Variants in KCNIP4 observed in about 807,000 individuals in gnomAD.
The protein encoded by KCNIP4 is potassium voltage-gated channel interacting protein 4.
A neutral mutation model predicts 34.0 loss-of-function variants in KCNIP4; 12 were observed. The ratio of observed to expected loss-of-function variants is 0.35; its 90% CI spans 0.23 to 0.57. The LOEUF is 0.57. Ranked by LOEUF, KCNIP4 falls within the 20% of genes least tolerant of loss-of-function variation. KCNIP4 has a pLI of 0.83. For synonymous variants in KCNIP4, 124 were observed against 102.2 expected (o/e 1.21, Z -1.29); for missense variants, 238 against 311.7 (o/e 0.76, Z 1.78).
chr4:21,809,162 G>T (rs1721476313), intron 1 of KCNIP4, among the ~76,000 whole-genome samples: 1 of 152,096 alleles, frequency 6.6e-6, no homozygotes, highest in Non-Finnish European at 1.5e-5. Flanking sequence ...ACTATGTAAA[G>T]AAGATCAGAT....
chr4:21,567,299 C>T (rs1480799806), intron 1 of KCNIP4, among the ~76,000 whole-genome samples: 2 of 151,742 alleles, frequency 1.3e-5, no homozygotes, highest in Non-Finnish European at 2.9e-5. Context: ...TTTTCCTTCT[C>T]TCATGAAGCT....
Position 20,730,008 on chromosome 4 carries a change from AAGTGGTAGCTCCAACTTTAAG to A in KCNIP4, c.*53_*73del. ...TGTCAAGCTGAGCAATCTATGCTAA[AAGTGGTAGCTCCAACTTTAAG>A]GGTGGTAGAATAGTTCACATTTGTC... On this transcript the variant is annotated 3_prime_UTR_variant, in exon 9 of 9. Transcript: ENST00000382152. The A allele has an allele frequency of 1.3e-6, 2 of 1,525,678 alleles. No homozygotes were observed. Among genetic ancestry groups the A allele is most frequent in the Non-Finnish European group, 1.8e-6 (2 of 1,134,768 alleles). 94.5% of individuals were successfully genotyped at this position (1,525,678 alleles called of 1,614,324 possible).
At chr4:21,488,878 T>G (rs948977676) in intron 1 of KCNIP4, among the ~76,000 whole-genome samples, 4 of 152,088 alleles carry the variant, frequency 2.6e-5, no homozygotes, top group African/African-American at 7.2e-5. Context: ...AAGGAAAAAT[T>G]TGATGGTATT....
At chr4:20,762,747 A>AT (rs977808652) in intron 3 of KCNIP4, among the ~76,000 whole-genome samples, 2 of 152,138 alleles carry the variant, frequency 1.3e-5, no homozygotes, top group East Asian at 1.9e-4. Context: ...TGGATTTTAG[A>AT]TTTTTTGGGA....
intron 1 of KCNIP4, among the ~76,000 whole-genome samples, chr4:21,179,221 A>G (rs920746261): frequency 6.6e-6 from 1 of 152,186 alleles, no homozygotes; most frequent in African/African-American, 2.4e-5. Flanking sequence ...TGCCCAACTC[A>G]TTTGACCTTC....
At chr4:21,214,063 A>G (rs917968712) in intron 1 of KCNIP4, among the ~76,000 whole-genome samples, 4 of 152,222 alleles carry the variant, frequency 2.6e-5, no homozygotes, top group South Asian at 4.1e-4. Context: ...TTCCTTATGT[A>G]AAATGGGACT....
rs559454579 is a variant in KCNIP4 at position 20,812,097 on chromosome 4, T to A, written c.288+38446A>T. 2.6e-5 allele frequency among the ~76,000 whole-genome samples: 4 copies of A among 152,308 alleles called. No homozygotes were observed. In the South Asian group the frequency reaches 6.2e-4, roughly 24 times the overall value. ...AATGTAAGTACAGATTATTGATTACTTTTGGGGACATGTTTGCGTAAAGAA... is the reference window on the plus strand; with the variant it reads ...AATGTAAGTACAGATTATTGATTACATTTGGGGACATGTTTGCGTAAAGAA... On this transcript the variant is annotated intron_variant, in intron 3 of 8. Transcript: ENST00000382152.
intron 3 of KCNIP4, among the ~76,000 whole-genome samples, chr4:20,772,649 C>CT (rs927106009): frequency 2.5e-3 from 374 of 149,036 alleles, no homozygotes; most frequent in Non-Finnish European, 4.3e-3. Flanking sequence ...TTTCTTTCTT[C>CT]TTTTTTTTTT....
intron 1 of KCNIP4, among the ~76,000 whole-genome samples, chr4:21,918,028 A>T (rs1488144122): frequency 6.6e-6 from 1 of 152,202 alleles, no homozygotes; most frequent in Non-Finnish European, 1.5e-5. Flanking sequence ...AAGAACAGGG[A>T]AGAGCTAGGA....
intron 1 of KCNIP4, among the ~76,000 whole-genome samples, chr4:21,217,617 T>C (rs1187682250): frequency 2.6e-5 from 4 of 152,126 alleles, no homozygotes; most frequent in Non-Finnish European, 5.9e-5. Flanking sequence ...GGAAGGAAGA[T>C]TAAAAGATGA....
chr4:21,797,503 G>A (rs548923713), intron 1 of KCNIP4, among the ~76,000 whole-genome samples: 9 of 151,792 alleles, frequency 5.9e-5, no homozygotes. Flanking sequence ...GTCCATTTAT[G>A]TTTCTTACAC....
rs192220126 is a variant in KCNIP4, at chr4:21,004,324, G to T, written c.62-121615C>A. On this transcript the variant is annotated intron_variant, in intron 1 of 8. Coordinates refer to ENST00000382152, the MANE Select transcript of KCNIP4 (RefSeq NM_025221.6). Reference sequence around the variant, plus strand: ...GCTCGATTCAATGAGAAAGGAGAGAGTATATGGGCGACTCCCAAATTTCTA... The same window carrying T: ...GCTCGATTCAATGAGAAAGGAGAGATTATATGGGCGACTCCCAAATTTCTA... 3.3e-5 allele frequency among the ~76,000 whole-genome samples: 5 copies of T among 152,166 alleles called. No individual in the cohort carries two copies. The East Asian group carries it at 7.7e-4, about 23-fold the overall frequency.
At chr4:20,894,928 C>T (rs1491362) in intron 1 of KCNIP4, among the ~76,000 whole-genome samples, 151,312 of 152,330 alleles carry the variant, frequency 0.99, 75,159 homozygotes, top group Middle Eastern at 1. Flanking sequence ...TGCTAAGTAC[C>T]TTACAAGCAT....
intron 1 of KCNIP4, among the ~76,000 whole-genome samples, chr4:20,962,965 T>C (rs1270253215): frequency 6.6e-6 from 1 of 152,160 alleles, no homozygotes; most frequent in African/African-American, 2.4e-5. Context: ...ACCGTCACTT[T>C]GTCTGTAAAA....
intron 1 of KCNIP4, among the ~76,000 whole-genome samples, chr4:21,690,255 C>A (rs1379019426): frequency 6.6e-6 from 1 of 151,632 alleles, no homozygotes; most frequent in East Asian, 1.9e-4. Context: ...CCTTCCCAAG[C>A]CCACAAATGT....
At chr4:21,257,128 T>G (rs10026557) in intron 1 of KCNIP4, among the ~76,000 whole-genome samples, 120,248 of 152,050 alleles carry the variant, frequency 0.79, 48,588 homozygotes, top group African/African-American at 0.95. Context: ...TTAAATTTGG[T>G]GCTTGAGCAC....
chr4:21,870,217 C>T (rs1000651446), intron 1 of KCNIP4, among the ~76,000 whole-genome samples: 1 of 152,064 alleles, frequency 6.6e-6, no homozygotes, highest in East Asian at 1.9e-4. Context: ...ACCACCAGAC[C>T]GCCAGATGGT....
At chr4:21,755,480 C>G (rs981405898) in intron 1 of KCNIP4, among the ~76,000 whole-genome samples, 3 of 152,102 alleles carry the variant, frequency 2.0e-5, no homozygotes, top group Non-Finnish European at 2.9e-5. Context: ...GACTTACCCC[C>G]GGGGCAACTG....
At chr4:21,044,314 A>T (rs1266153232) in intron 1 of KCNIP4, among the ~76,000 whole-genome samples, 1 of 148,702 alleles carries the variant, frequency 6.7e-6, no homozygotes, top group African/African-American at 2.5e-5. Flanking sequence ...TTCCCCCACA[A>T]TTTTTTTTTT....
Sources: gnomAD v4.1 joint callset for allele counts (sites outside exome capture counted in the v4.1 genomes callset) on GRCh38, gnomAD v4.1.1 for gene constraint, MANE v1.5 for transcripts, NCBI Gene and HGNC (gene_info 2026-07-23, HGNC 2026-07-21) for gene names.